The following MROH1 variants were observed in gnomAD, a reference collection of about 807,000 sequenced individuals.
MROH1 encodes the protein maestro heat like repeat family member 1.
MROH1 carries 117 observed loss-of-function variants against 116.5 expected under a neutral mutation model. The observed-to-expected ratio is 1.00, with a 90% CI of 0.86 to 1.17. The LOEUF (loss-of-function observed/expected upper bound fraction) is 1.17. MROH1 is among the 50% of genes most tolerant of loss of function. The pLI is 0.00. For synonymous variants in MROH1, 921 were observed against 583.9 expected, an observed-to-expected ratio of 1.58 and a Z score of -8.32; for missense variants, 1,873 against 1,338.5, an observed-to-expected ratio of 1.40 and a Z score of -6.23.
intron 39 of MROH1, 95 bp downstream of exon 39, chr8:144,260,469 C>G: frequency 2.9e-6 from 2 of 697,124 alleles, no homozygotes; most frequent in East Asian, 5.4e-5. Flanking sequence ...CTCCCTGTCT[C>G]CCACCTCGGC....
At chr8:144,161,938 G>A (rs1045446036) in intron 2 of MROH1, among the ~76,000 whole-genome samples, 6 of 152,200 alleles carry the variant, frequency 3.9e-5, no homozygotes, top group South Asian at 4.1e-4. Context: ...GATGCTCCAC[G>A]TCAGGCGTGC....
chr8:144,260,209 C>T lies in MROH1; in HGVS notation c.4215C>T (p.Leu1405=). Residue 1405 remains leucine (L), a synonymous_variant, in exon 39 of 44, where the codon CTC becomes CTT. Coordinates refer to ENST00000326134, the MANE Select transcript of MROH1 (RefSeq NM_032450.3). Reference sequence around the variant, plus strand: ...AGGTGCGAACCCACGGCCCCCAGCTCCTCACAGCCATGATTGGCGGGCTGG... The same window carrying T: ...AGGTGCGAACCCACGGCCCCCAGCTTCTCACAGCCATGATTGGCGGGCTGG... ...PDKVRTHGPQ[L]LTAMIGGLDD... The T allele has an allele frequency of 6.5e-6, 5 of 765,592 alleles. No individual in the cohort carries two copies. In the East Asian group the frequency reaches 1.2e-4, roughly 19 times the overall value. 47.4% of individuals were successfully genotyped at this position (765,592 alleles called of 1,614,324 possible).
In MROH1 at chr8:144,261,233, G is replaced by C; in HGVS notation, c.4774+17G>C. On this transcript the variant is annotated intron_variant, in intron 42 of 43. Coordinates refer to ENST00000326134, the MANE Select transcript of MROH1 (RefSeq NM_032450.3). ...TGTTCACCGGTAAGCACCACCCCCT[G>C]CCCCACCCCCACGCCGCCCGGCAGC... 1.3e-6 allele frequency: 1 copy of C among 762,422 alleles called. No individual in the cohort carries two copies. The allele number at this position is 762,422 out of a possible 1,614,324, so 47.2% of individuals were successfully genotyped here.
Position 144,258,823 on chromosome 8 carries a change from G to T in MROH1, c.3838G>T (p.Glu1280Ter). 1.3e-6 allele frequency: 1 copy of T among 769,714 alleles called. No homozygotes were observed. The highest frequency in any genetic ancestry group is 2.4e-6 in the Non-Finnish European group (1 of 414,510). 47.7% of individuals were successfully genotyped at this position (769,714 alleles called of 1,614,324 possible). A position where few individuals can be genotyped will look rare whatever the true frequency, so the allele number is the denominator to read the frequency against. ...GTCCATGCTACTCCGCAGCGGCAGC[G>T]AGGATGTGGTACAGCGCATGGACCT... ...LRSMLLRSGS[E>*]DVVQRMDLEG... Residue 1280 changes from glutamate (E) to a stop codon, truncating the protein, a stop_gained, in exon 36 of 44, where the codon GAG becomes TAG. Transcript: ENST00000326134. LOFTEE classifies it high-confidence loss of function.
In MROH1 at chr8:144,250,576, T is replaced by A. The variant is rs1186810282; in HGVS notation, c.3428+210T>A. The A allele has an allele frequency of 1.6e-5, 10 of 642,418 alleles. No homozygotes were observed. In the Admixed American group the frequency reaches 2.2e-4, roughly 14 times the overall value. The allele number at this position is 642,418 out of a possible 1,614,324, so 39.8% of individuals were successfully genotyped here. ...CCTCTCCTCTCCAGGCGTTTTGGGA[T>A]CCTCACTGGCTCCGGTGGGCCCTGC... is the stretch of plus-strand genomic sequence containing the variant. On this transcript the variant is annotated intron_variant, in intron 33 of 43. Transcript: ENST00000326134.
chr8:144,161,408 G>A (rs981848086), intron 2 of MROH1, among the ~76,000 whole-genome samples: 1 of 152,154 alleles, frequency 6.6e-6, no homozygotes, highest in African/African-American at 2.4e-5. Context: ...TCTGGGCAGC[G>A]CTTTCTCTGG....
chr8:144,157,567 TTTC>T (rs1363256901), intron 1 of MROH1, among the ~76,000 whole-genome samples: 4 of 152,212 alleles, frequency 2.6e-5, no homozygotes, highest in African/African-American at 9.6e-5. Flanking sequence ...ATGAGTTCGA[TTTC>T]TTTTTAGATA....
chr8:144,191,684 C>G, intron 8 of MROH1, 31 bp from the exon 9 acceptor site: 4 of 1,608,918 alleles, frequency 2.5e-6, no homozygotes, highest in Non-Finnish European at 3.4e-6. Flanking sequence ...GACTGAGCAG[C>G]GTAAGCTTCC....
chr8:144,221,811 A>G (rs1836805319), intron 13 of MROH1, among the ~76,000 whole-genome samples: 1 of 152,020 alleles, frequency 6.6e-6, no homozygotes, highest in African/African-American at 2.4e-5. Context: ...GAGATAGCAC[A>G]AGGAGGAAGT....
intron 35 of MROH1, among the ~76,000 whole-genome samples, chr8:144,255,918 C>T (rs1168718525): frequency 6.6e-6 from 1 of 152,246 alleles, no homozygotes; most frequent in African/African-American, 2.4e-5. Flanking sequence ...TGAAGGCCTC[C>T]CTCCTCGCCT....
At chr8:144,208,141 G>A (rs1351163110) in intron 12 of MROH1, among the ~76,000 whole-genome samples, 1 of 151,932 alleles carries the variant, frequency 6.6e-6, no homozygotes, top group African/African-American at 2.4e-5. Flanking sequence ...ACAGGATTTT[G>A]CCATGTTGAT....
intron 10 of MROH1, among the ~76,000 whole-genome samples, chr8:144,197,581 G>T (rs77501143): frequency 0.042 from 6,289 of 149,706 alleles, 189 homozygotes; most frequent in Middle Eastern, 0.14. Context: ...GACTACAGGC[G>T]CCTGCAACCA....
intron 9 of MROH1, 79 bp from the exon 10 acceptor site, chr8:144,192,230 C>A: frequency 1.8e-5 from 23 of 1,270,798 alleles, no homozygotes; most frequent in Non-Finnish European, 2.4e-5. Context: ...TGTGGCCCAA[C>A]TGGGAGGCTC....
At chr8:144,157,322 T>C (rs1419097037) in intron 1 of MROH1, among the ~76,000 whole-genome samples, 2 of 152,238 alleles carry the variant, frequency 1.3e-5, no homozygotes, top group African/African-American at 4.8e-5. Context: ...CCTCAAGTTA[T>C]CCACCCGCCT....
At chr8:144,169,462 T>TA (rs1334420292) in intron 4 of MROH1, among the ~76,000 whole-genome samples, 1 of 149,788 alleles carries the variant, frequency 6.7e-6, no homozygotes, top group Admixed American at 6.7e-5. Flanking sequence ...ATTGTTATTT[T>TA]TTTTTTTTGA....
chr8:144,233,463 T>G (rs1839363179), intron 14 of MROH1, among the ~76,000 whole-genome samples: 1 of 136,282 alleles, frequency 7.3e-6, no homozygotes, highest in Non-Finnish European at 1.6e-5. Context: ...CACCCCACCA[T>G]CCACCTTCTC....
In MROH1 at chr8:144,241,383, G is replaced by T. The variant is rs1004584426; in HGVS notation, c.2056-12G>T. The T allele has an allele frequency of 9.1e-4, 702 of 769,938 alleles. 1 individual carries two copies. The highest frequency in any genetic ancestry group is 8.6e-4 in the Non-Finnish European group (354 of 413,436). The allele number at this position is 769,938 out of a possible 1,614,324, so 47.7% of individuals were successfully genotyped here. A position where few individuals can be genotyped will look rare whatever the true frequency, so the allele number is the denominator to read the frequency against. ...GCTCTTCCCTGCCCGGGGTAAGTGT[G>T]CTGCCCCCCAGGGCCTCGCCTGCTG... is the stretch of plus-strand genomic sequence containing the variant. On this transcript the variant is annotated splice_polypyrimidine_tract_variant and intron_variant, in intron 21 of 43. Transcript: ENST00000326134.
intron 10 of MROH1, among the ~76,000 whole-genome samples, chr8:144,198,510 C>T (rs547872841): frequency 1.8e-4 from 28 of 152,296 alleles, no homozygotes; most frequent in Non-Finnish European, 2.1e-4. Context: ...CTCAACCTCC[C>T]GGGCTCAGGC....
intron 4 of MROH1, among the ~76,000 whole-genome samples, chr8:144,178,560 C>A (rs924623375): frequency 5.3e-5 from 8 of 152,206 alleles, no homozygotes; most frequent in Admixed American, 2.0e-4. Flanking sequence ...TGAGCCACCG[C>A]GCCTGTTCGG....
Sources: gnomAD v4.1 joint callset for allele counts (sites outside exome capture counted in the v4.1 genomes callset) on GRCh38, gnomAD v4.1.1 for gene constraint, MANE v1.5 for transcripts, NCBI Gene and HGNC (gene_info 2026-07-23, HGNC 2026-07-21) for gene names.